Variants in ZNF491 observed in about 807,000 individuals in gnomAD.
ZNF491 encodes zinc finger protein 491.
ZNF491 carries 22 observed loss-of-function variants against 34.7 expected under a neutral mutation model. That is an observed-to-expected ratio of 0.63 (90% confidence interval 0.45 to 0.90). The LOEUF (loss-of-function observed/expected upper bound fraction) is 0.90. Among genes scored for constraint, ZNF491 ranks in the 40% least tolerant of loss-of-function variants. ZNF491 has a pLI of 0.00. For missense variants in ZNF491, 559 were observed against 531.7 expected (o/e 1.05, Z -0.51); for synonymous variants, 148 against 174.3 (o/e 0.85, Z 1.19).
At chr19:11,804,512 A>G (rs1975589140) in intron 1 of ZNF491, 30 bp from the exon 2 acceptor site, 1 of 1,510,760 alleles carries the variant, frequency 6.6e-7, no homozygotes, top group South Asian at 1.3e-5. Flanking sequence ...ACTCTCACCC[A>G]TCCTCCTCTA....
intron 1 of ZNF491, among the ~76,000 whole-genome samples, chr19:11,804,017 A>G (rs1461822061): frequency 2.0e-5 from 3 of 152,128 alleles, no homozygotes; most frequent in Non-Finnish European, 2.9e-5. Context: ...AGCCTGACCA[A>G]CATGGTGAAA....
In ZNF491 at chr19:11,806,093, T is replaced by A. The variant is rs892921069; in HGVS notation, c.140T>A (p.Met47Lys). The change falls in exon 3 of 3, where the codon ATG becomes AAG. Residue 47 changes from methionine to lysine, a missense_variant. Met to Lys is a moderately conservative substitution (Grantham distance 95). Coordinates refer to ENST00000323169, the MANE Select transcript of ZNF491 (RefSeq NM_152356.4). ...CESGTCGEIF[M>K]GYSSFNRNIR... is the part of the protein sequence containing the mutation. ...AGTGGTACATGTGGAGAAATCTTCA[T>A]GGGATATTCATCCTTTAATAGGAAC... 1.9e-6 allele frequency: 3 copies of A among 1,613,850 alleles called. No homozygotes were observed. The highest frequency in any genetic ancestry group is 1.7e-6 in the Non-Finnish European group (2 of 1,180,038).
At chr19:11,805,634 G>A (rs1250721865) in intron 2 of ZNF491, among the ~76,000 whole-genome samples, 1 of 152,060 alleles carries the variant, frequency 6.6e-6, no homozygotes, top group Non-Finnish European at 1.5e-5. Flanking sequence ...GACCACTTGA[G>A]GTCAAGAGCC....
At chr19:11,804,731 C>A in intron 2 of ZNF491, 64 bp downstream of exon 2, 1 of 871,750 alleles carries the variant, frequency 1.1e-6, no homozygotes. Context: ...TTCATCAGTG[C>A]TATTCAGGGA....
intron 1 of ZNF491, among the ~76,000 whole-genome samples, chr19:11,801,127 C>T (rs1041515477): frequency 6.6e-6 from 1 of 151,940 alleles, no homozygotes; most frequent in African/African-American, 2.4e-5. Context: ...TCACTTGAGT[C>T]CAGAAGTTTA....
rs113109633 is a variant in ZNF491 at position 11,799,826 on chromosome 19, G to C, written c.-134+1099G>C. 9.3e-3 allele frequency among the ~76,000 whole-genome samples: 1,412 copies of C among 152,156 alleles called. 26 individuals carry two copies. Among genetic ancestry groups the C allele is most frequent in the African/African-American group, 0.032 (1,332 of 41,502 alleles). ...GCACGTGCCTGTAATCCGGCTACTC[G>C]GGAGGCTGAGGCAAGACAATCGCTT... On this transcript the variant is annotated intron_variant, in intron 1 of 2. Coordinates refer to ENST00000323169, the MANE Select transcript of ZNF491 (RefSeq NM_152356.4).
chr19:11,801,706 C>T (rs1430801159), intron 1 of ZNF491, among the ~76,000 whole-genome samples: 2 of 152,126 alleles, frequency 1.3e-5, no homozygotes, highest in East Asian at 3.9e-4. Context: ...ATTTTACTAG[C>T]TCAAGCATTT....
Position 11,806,316 on chromosome 19 carries a change from T to C in ZNF491, c.363T>C (p.Tyr121=), listed in dbSNP as rs761664949. The C allele has an allele frequency of 8.7e-6, 14 of 1,606,788 alleles. No homozygotes were observed. The highest frequency in any genetic ancestry group is 3.5e-5 in the Admixed American group (2 of 57,938). The change falls in exon 3 of 3, where the codon TAT becomes TAC. Residue 121 remains tyrosine, a synonymous_variant. Coordinates refer to ENST00000323169, the MANE Select transcript of ZNF491 (RefSeq NM_152356.4). Reference sequence around the variant, plus strand: ...TTTCTCCTGCAAGCATTCGAAGATATATGGTAACGCACAGTGGAGATGGAC... The same window carrying C: ...TTTCTCCTGCAAGCATTCGAAGATACATGGTAACGCACAGTGGAGATGGAC... The part of the protein sequence containing the change: ...SFISPASIRR[Y]MVTHSGDGPY...
Position 11,807,067 on chromosome 19 carries a change from A to G in ZNF491, c.1114A>G (p.Arg372Gly), listed in dbSNP as rs556360306. The G allele has an allele frequency of 1.9e-5, 30 of 1,608,542 alleles. No homozygotes were observed. Among genetic ancestry groups the G allele is most frequent in the Non-Finnish European group, 2.4e-5 (28 of 1,178,166 alleles). The part of the protein sequence containing the change: ...KAFHCVSSFH[R>G]HERTHAGEKP... ...ATTTCATTGTGTCAGCTCCTTTCAT[A>G]GACATGAAAGGACTCACGCTGGAGA... Residue 372 changes from arginine to glycine, a missense_variant, in exon 3 of 3, where the codon AGA becomes GGA. Coordinates refer to ENST00000323169, the MANE Select transcript of ZNF491 (RefSeq NM_152356.4).
intron 1 of ZNF491, among the ~76,000 whole-genome samples, chr19:11,799,654 G>T: frequency 6.6e-6 from 1 of 152,082 alleles, no homozygotes; most frequent in Admixed American, 6.5e-5. Flanking sequence ...AGTCGGGTAT[G>T]GCCGGGCGCG....
rs143242193 is a variant in ZNF491 at position 11,807,571 on chromosome 19, T to A, written c.*304T>A. 38 of 302,694 alleles carry A rather than the reference T, an allele frequency of 1.3e-4. No homozygotes were observed. The highest frequency in any genetic ancestry group is 7.6e-4 in the African/African-American group (35 of 46,080). 18.8% of individuals were successfully genotyped at this position (302,694 alleles called of 1,614,324 possible). On this transcript the variant is annotated 3_prime_UTR_variant, in exon 3 of 3. Transcript: ENST00000323169. ...TTTTCCTGATTCTCTGGCTTGTCAA[T>A]CAAGAGTATCCTCCAAATCTCTTGA...
At chr19:11,802,714 G>A (rs147465960) in intron 1 of ZNF491, among the ~76,000 whole-genome samples, 3 of 152,234 alleles carry the variant, frequency 2.0e-5, no homozygotes, top group African/African-American at 4.8e-5. Flanking sequence ...TGCAAAATTC[G>A]GTTTTTGTTT....
rs149778854 is a variant in ZNF491, at chr19:11,806,278, G to C, written c.325G>C (p.Glu109Gln). The C allele has an allele frequency of 9.3e-5, 149 of 1,605,810 alleles. No individual in the cohort carries two copies. The African/African-American group carries it at 1.7e-3, about 19-fold the overall frequency. Residue 109 changes from glutamate (E) to glutamine (Q), a missense_variant, in exon 3 of 3, where the codon GAA becomes CAA. Transcript: ENST00000323169. ...REKPFDCKEC[E>Q]KSFISPASIR... ...GAAACCTTTTGATTGTAAGGAATGTGAAAAATCTTTCATTTCTCCTGCAAG... is the reference window on the plus strand; with the variant it reads ...GAAACCTTTTGATTGTAAGGAATGTCAAAAATCTTTCATTTCTCCTGCAAG...
Position 11,806,099 on chromosome 19 carries a change from A to G in ZNF491, c.146A>G (p.Tyr49Cys), listed in dbSNP as rs141870350. The G allele has an allele frequency of 6.1e-3, 9,791 of 1,613,928 alleles. 44 individuals are homozygous for G. Among genetic ancestry groups the G allele is most frequent in the Non-Finnish European group, 7.7e-3 (9,076 of 1,180,014 alleles). Residue 49 changes from tyrosine to cysteine, a missense_variant, in exon 3 of 3, where the codon TAT (tyrosine) becomes TGT (cysteine). Transcript: ENST00000323169. Reference sequence around the variant, plus strand: ...ACATGTGGAGAAATCTTCATGGGATATTCATCCTTTAATAGGAACATCAGA... The same window carrying G: ...ACATGTGGAGAAATCTTCATGGGATGTTCATCCTTTAATAGGAACATCAGA... ...SGTCGEIFMG[Y>C]SSFNRNIRTD... is the part of the protein sequence containing the mutation.
At chr19:11,800,691 T>C (rs1975549359) in intron 1 of ZNF491, among the ~76,000 whole-genome samples, 1 of 152,120 alleles carries the variant, frequency 6.6e-6, no homozygotes, top group Non-Finnish European at 1.5e-5. Flanking sequence ...CGGCAGATTT[T>C]TGTATTTTTA....
chr19:11,806,699 G>T lies in ZNF491; in HGVS notation c.746G>T (p.Gly249Val), dbSNP rs767063702. The change falls in exon 3 of 3, where the codon GGG (glycine) becomes GTG (valine). Residue 249 changes from glycine (G) to valine (V), a missense_variant. Physicochemically the swap from Gly to Val is moderately radical, Grantham distance 109. Transcript: ENST00000323169. ...AAACCCTATGAATGTAAACTATATG[G>T]GAAAGCATTATCTCGCCTTATAAGC... ...GEKPYECKLY[G>V]KALSRLISFR... 4.3e-6 allele frequency: 7 copies of T among 1,613,608 alleles called. No homozygotes were observed. The highest frequency in any genetic ancestry group is 5.9e-6 in the Non-Finnish European group (7 of 1,179,876).
At chr19:11,800,330 TC>T (rs1975545269) in intron 1 of ZNF491, among the ~76,000 whole-genome samples, 1 of 152,026 alleles carries the variant, frequency 6.6e-6, no homozygotes, top group Admixed American at 6.6e-5. Context: ...TGACAGTAAA[TC>T]CCTAAATTTC....
chr19:11,799,280 G>GT (rs1189238001), intron 1 of ZNF491: 2 of 152,128 alleles, frequency 1.3e-5, no homozygotes, highest in African/African-American at 4.8e-5. Flanking sequence ...TCAGATTCCA[G>GT]TTTTTTAAAG....
Position 11,806,520 on chromosome 19 carries a change from T to C in ZNF491, c.567T>C (p.Cys189=), listed in dbSNP as rs777781838. The C allele has an allele frequency of 6.2e-7, 1 of 1,614,054 alleles. No homozygotes were observed. The highest frequency in any genetic ancestry group is 8.5e-7 in the Non-Finnish European group (1 of 1,180,028). Residue 189 remains cysteine, a synonymous_variant, in exon 3 of 3, where the codon TGT becomes TGC. Transcript: ENST00000323169. ...ACACTGGGGAGAAGCCATATGAATG[T>C]AAGGAGTGTGGGAAATCATTCAATT... The part of the protein sequence containing the change: ...RTHTGEKPYE[C]KECGKSFNFS...
Sources: gnomAD v4.1 joint callset for allele counts (sites outside exome capture counted in the v4.1 genomes callset) on GRCh38, gnomAD v4.1.1 for gene constraint, MANE v1.5 for transcripts, NCBI Gene and HGNC (gene_info 2026-07-23, HGNC 2026-07-21) for gene names.